Variants in MAP4K3 observed in about 807,000 individuals in gnomAD.
MAP4K3 encodes mitogen-activated protein kinase kinase kinase kinase 3.
A neutral mutation model predicts 143.5 loss-of-function variants in MAP4K3; 94 were observed. The ratio of observed to expected loss-of-function variants is 0.65; its 90% CI spans 0.55 to 0.78. The LOEUF (loss-of-function observed/expected upper bound fraction) is 0.78, where lower values mean the gene tolerates loss of function less well. Ranked by LOEUF, MAP4K3 falls within the 30% of genes least tolerant of loss-of-function variation. MAP4K3 has a pLI of 0.00. For missense variants in MAP4K3, 1,077 were observed against 1,068.1 expected, an observed-to-expected ratio of 1.01 and a Z score of -0.12; for synonymous variants, 416 against 347.2, an observed-to-expected ratio of 1.20 and a Z score of -2.20.
intron 26 of MAP4K3, chr2:39,271,994 T>C (rs1681045665): frequency 8.2e-6 from 2 of 243,028 alleles, no homozygotes; most frequent in Non-Finnish European, 1.6e-5. Flanking sequence ...GCAAAGGCAC[T>C]AAATGCAATG....
At chr2:39,253,352 T>G (rs192543187) in intron 32 of MAP4K3, among the ~76,000 whole-genome samples, 1 of 152,334 alleles carries the variant, frequency 6.6e-6, no homozygotes, top group Non-Finnish European at 1.5e-5. Flanking sequence ...CAGGCTGGTT[T>G]TGATCTCTTG....
At chr2:39,347,963 T>G (rs1665344238) in intron 3 of MAP4K3, among the ~76,000 whole-genome samples, 1 of 152,034 alleles carries the variant, frequency 6.6e-6, no homozygotes, top group South Asian at 2.1e-4. Flanking sequence ...ATTGTTGATC[T>G]CTAATCTCTG....
At chr2:39,295,369 A>C (rs995299453) in intron 16 of MAP4K3, among the ~76,000 whole-genome samples, 1 of 151,842 alleles carries the variant, frequency 6.6e-6, no homozygotes, top group Non-Finnish European at 1.5e-5. Context: ...CATTTTGAAA[A>C]GTTCTAAAGT....
chr2:39,320,935 C>CA (rs1303765910), intron 12 of MAP4K3, among the ~76,000 whole-genome samples: 3 of 152,092 alleles, frequency 2.0e-5, no homozygotes, highest in Non-Finnish European at 4.4e-5. Flanking sequence ...GAACAAGACT[C>CA]AAACTAACTA....
Position 39,309,335 on chromosome 2 carries a change from G to C in MAP4K3, c.1056+126C>G, listed in dbSNP as rs558631087. On this transcript the variant is annotated intron_variant, in intron 14 of 33. Transcript: ENST00000263881. ...AGACAGGGTCTTACTATGTTGACCA[G>C]GCTGGGACCTCGAATGTTTTTGAAA... 3.0e-5 allele frequency: 20 copies of C among 658,398 alleles called. No homozygotes were observed. The South Asian group carries it at 3.9e-4, about 13-fold the overall frequency. 40.8% of individuals were successfully genotyped at this position (658,398 alleles called of 1,614,324 possible).
chr2:39,292,863 A>G (rs1682107394), intron 17 of MAP4K3, 37 bp from the exon 18 acceptor site: 2 of 1,552,924 alleles, frequency 1.3e-6, no homozygotes, highest in Non-Finnish European at 1.8e-6. Flanking sequence ...TATTAAATGG[A>G]TTTTACCAAA....
At chr2:39,339,032 C>T (rs1665066082) in intron 4 of MAP4K3, among the ~76,000 whole-genome samples, 1 of 152,162 alleles carries the variant, frequency 6.6e-6, no homozygotes, top group Non-Finnish European at 1.5e-5. Flanking sequence ...TATTAAATCA[C>T]TTTAGAATAA....
intron 2 of MAP4K3, among the ~76,000 whole-genome samples, chr2:39,363,624 G>A (rs951045175): frequency 6.9e-6 from 1 of 144,216 alleles, no homozygotes; most frequent in Non-Finnish European, 1.5e-5. Flanking sequence ...AGCCAAGACT[G>A]TGCCACTGCA....
chr2:39,308,363 A>G (rs1190074884), intron 14 of MAP4K3, among the ~76,000 whole-genome samples: 2 of 152,152 alleles, frequency 1.3e-5, no homozygotes, highest in Non-Finnish European at 2.9e-5. Context: ...TGGTATTACA[A>G]TATGATCATT....
chr2:39,340,593 T>C (rs962278816), intron 4 of MAP4K3, among the ~76,000 whole-genome samples: 1 of 152,204 alleles, frequency 6.6e-6, no homozygotes, highest in Non-Finnish European at 1.5e-5. Flanking sequence ...CTGGTCTTGC[T>C]TCTTAATGAA....
chr2:39,388,141 G>A (rs1286361988), intron 1 of MAP4K3, among the ~76,000 whole-genome samples: 1 of 152,122 alleles, frequency 6.6e-6, no homozygotes, highest in Non-Finnish European at 1.5e-5. Context: ...AAACTTAACA[G>A]TAGCACTGAG....
chr2:39,308,429 A>G (rs1682797223), intron 14 of MAP4K3, among the ~76,000 whole-genome samples: 1 of 152,186 alleles, frequency 6.6e-6, no homozygotes, highest in South Asian at 2.1e-4. Context: ...GAATTAGAGT[A>G]ACTATAAGGT....
chr2:39,400,022 A>G (rs1425430057), intron 1 of MAP4K3, among the ~76,000 whole-genome samples: 1 of 152,222 alleles, frequency 6.6e-6, no homozygotes, highest in Non-Finnish European at 1.5e-5. Flanking sequence ...CTCAAAGCTC[A>G]GACCCATATA....
chr2:39,328,559 C>T (rs570245566), intron 8 of MAP4K3, among the ~76,000 whole-genome samples: 4 of 152,036 alleles, frequency 2.6e-5, no homozygotes, highest in Admixed American at 1.3e-4. Context: ...CCAGATGCTA[C>T]GGATGGAGGT....
At chr2:39,304,077 T>C (rs1440459516) in intron 15 of MAP4K3, among the ~76,000 whole-genome samples, 1 of 152,138 alleles carries the variant, frequency 6.6e-6, no homozygotes, top group Non-Finnish European at 1.5e-5. Flanking sequence ...CAGGCATCTT[T>C]CAAAAATTCT....
At chr2:39,408,023 G>C (rs1210196507) in intron 1 of MAP4K3, among the ~76,000 whole-genome samples, 2 of 152,040 alleles carry the variant, frequency 1.3e-5, no homozygotes, top group East Asian at 3.8e-4. Context: ...ATGCAGTCAA[G>C]TTTATGATCA....
chr2:39,284,230 C>A (rs1157282965), intron 21 of MAP4K3, among the ~76,000 whole-genome samples: 1 of 151,976 alleles, frequency 6.6e-6, no homozygotes, highest in Admixed American at 6.6e-5. Context: ...GGCACGATAT[C>A]GGGTCACTGC....
chr2:39,272,604 C>A, intron 24 of MAP4K3, 62 bp from the exon 25 acceptor site: 1 of 1,293,584 alleles, frequency 7.7e-7, no homozygotes, highest in Non-Finnish European at 1.1e-6. Flanking sequence ...TAAATCTGTA[C>A]ACAGTAATCA....
chr2:39,410,664 G>A (rs957081175), intron 1 of MAP4K3, among the ~76,000 whole-genome samples: 2 of 152,096 alleles, frequency 1.3e-5, no homozygotes, highest in African/African-American at 4.8e-5. Flanking sequence ...TTTTAAAAAG[G>A]TCTTTGCATG....
Sources: gnomAD v4.1 joint callset for allele counts (sites outside exome capture counted in the v4.1 genomes callset) on GRCh38, gnomAD v4.1.1 for gene constraint, MANE v1.5 for transcripts, NCBI Gene and HGNC (gene_info 2026-07-23, HGNC 2026-07-21) for gene names.